IGFBP7: variants seen among roughly 807,000 people sequenced by gnomAD.
The protein encoded by IGFBP7 is insulin like growth factor binding protein 7.
Under a neutral mutation model 29.4 loss-of-function variants are expected in IGFBP7, and 31 were observed. The ratio of observed to expected loss-of-function variants is 1.05; its 90% CI spans 0.79 to 1.42. The LOEUF (loss-of-function observed/expected upper bound fraction) is 1.42, where lower values mean the gene tolerates loss of function less well. IGFBP7 is among the 40% of genes most tolerant of loss of function. The pLI is 0.00. For missense variants in IGFBP7, 393 were observed against 395.5 expected, an observed-to-expected ratio of 0.99 and a Z score of 0.05; for synonymous variants, 172 against 174.9, an observed-to-expected ratio of 0.98 and a Z score of 0.13.
intron 2 of IGFBP7, among the ~76,000 whole-genome samples, chr4:57,035,164 A>C (rs1724052418): frequency 6.6e-6 from 1 of 152,202 alleles, no homozygotes; most frequent in African/African-American, 2.4e-5. Flanking sequence ...CTCAAATCCC[A>C]TAGCTCTTAG....
intron 2 of IGFBP7, among the ~76,000 whole-genome samples, chr4:57,040,314 A>G (rs1203052637): frequency 6.6e-6 from 1 of 152,126 alleles, no homozygotes; most frequent in Non-Finnish European, 1.5e-5. Context: ...CTCCCAGTAA[A>G]ATAATAATAA....
chr4:57,030,839 T>C lies in IGFBP7; in HGVS notation c.*478A>G. Reference sequence around the variant, plus strand: ...ACCAGATCTTTGTCTTTTTCTGGGGTAGAGAAGTGGGGTCACTTCAATACA... The same window carrying C: ...ACCAGATCTTTGTCTTTTTCTGGGGCAGAGAAGTGGGGTCACTTCAATACA... On this transcript the variant is annotated 3_prime_UTR_variant, in exon 5 of 5. Transcript: ENST00000295666. The C allele has an allele frequency of 2.2e-6, 2 of 922,870 alleles. No homozygotes were observed. The highest frequency in any genetic ancestry group is 2.6e-5 in the South Asian group (2 of 76,204). 57.2% of individuals were successfully genotyped at this position (922,870 alleles called of 1,614,324 possible).
intron 1 of IGFBP7, among the ~76,000 whole-genome samples, chr4:57,054,036 C>A (rs925251381): frequency 2.6e-5 from 4 of 151,984 alleles, no homozygotes; most frequent in Non-Finnish European, 5.9e-5. Flanking sequence ...GGGATGAGAT[C>A]TTGTTACATT....
At chr4:57,084,770 C>T (rs575183272) in intron 1 of IGFBP7, among the ~76,000 whole-genome samples, 1 of 138,878 alleles carries the variant, frequency 7.2e-6, no homozygotes, top group South Asian at 2.3e-4. Flanking sequence ...AATCTTTTTA[C>T]TCAGATGTTT....
At position 57,086,207 on chromosome 4, in the gene IGFBP7, T is replaced by G. The variant is rs968054947; in HGVS notation, c.475+23670A>C. ...AACCATCAGATCTCGTGAGACTTAC[T>G]CACTGTCATGAGAACAGCATGGGAA... On this transcript the variant is annotated intron_variant, in intron 1 of 4. Coordinates refer to ENST00000295666, the MANE Select transcript of IGFBP7 (RefSeq NM_001553.3). Among the ~76,000 whole-genome samples, 7 of 152,162 alleles carry G rather than the reference T, an allele frequency of 4.6e-5. No individual in the cohort carries two copies. The East Asian group carries it at 1.3e-3, about 29-fold the overall frequency.
intron 1 of IGFBP7, among the ~76,000 whole-genome samples, chr4:57,069,400 C>T (rs539467468): frequency 3.3e-5 from 5 of 151,980 alleles, no homozygotes; most frequent in Non-Finnish European, 7.4e-5. Flanking sequence ...CCAGCCTGGG[C>T]AACATAGTGA....
chr4:57,075,054 T>G (rs1725188003), intron 1 of IGFBP7, among the ~76,000 whole-genome samples: 2 of 152,228 alleles, frequency 1.3e-5, no homozygotes, highest in Non-Finnish European at 2.9e-5. Flanking sequence ...ATCCTATTAC[T>G]CAGAGCCTTC....
At chr4:57,067,376 G>C (rs1242005899) in intron 1 of IGFBP7, among the ~76,000 whole-genome samples, 1 of 152,178 alleles carries the variant, frequency 6.6e-6, no homozygotes, top group African/African-American at 2.4e-5. Flanking sequence ...TAATAAGTGA[G>C]ATTAACTTGT....
intron 4 of IGFBP7, 158 bp downstream of exon 4, chr4:57,032,268 C>T (rs565625918): frequency 7.0e-7 from 1 of 1,433,218 alleles, no homozygotes; most frequent in East Asian, 2.5e-5. Context: ...CTTTTGGAGT[C>T]TCATGCTGTA....
chr4:57,071,723 A>T (rs1313274969), intron 1 of IGFBP7, among the ~76,000 whole-genome samples: 2 of 152,050 alleles, frequency 1.3e-5, no homozygotes, highest in African/African-American at 4.8e-5. Flanking sequence ...CTAGCAGGGT[A>T]CTCCTAGGCA....
chr4:57,076,659 A>G (rs11573053), intron 1 of IGFBP7, among the ~76,000 whole-genome samples: 30,399 of 152,156 alleles, frequency 0.2, 3,146 homozygotes, highest in Non-Finnish European at 0.22. Flanking sequence ...TTAGAAGGTG[A>G]CGTGGGTGTT....
chr4:57,088,730 A>G (rs1445730879), intron 1 of IGFBP7, among the ~76,000 whole-genome samples: 1 of 152,054 alleles, frequency 6.6e-6, no homozygotes, highest in African/African-American at 2.4e-5. Context: ...AACTGAGGTT[A>G]AGAGGAGCAA....
At chr4:57,041,639 G>A (rs926854043) in intron 1 of IGFBP7, among the ~76,000 whole-genome samples, 3 of 152,048 alleles carry the variant, frequency 2.0e-5, no homozygotes, top group African/African-American at 7.2e-5. Context: ...GGTCTCCAGC[G>A]ATCCTCCCAC....
chr4:57,103,992 T>C (rs1488311017), intron 1 of IGFBP7, among the ~76,000 whole-genome samples: 1 of 152,166 alleles, frequency 6.6e-6, no homozygotes, highest in Non-Finnish European at 1.5e-5. Flanking sequence ...ACCAACATCT[T>C]GCCAATCCTG....
intron 1 of IGFBP7, among the ~76,000 whole-genome samples, chr4:57,048,323 A>G (rs923098789): frequency 6.6e-6 from 1 of 152,196 alleles, no homozygotes; most frequent in Non-Finnish European, 1.5e-5. Context: ...TACTGGGATT[A>G]CAGGAGTGAG....
At chr4:57,086,137 T>A (rs1248776746) in intron 1 of IGFBP7, among the ~76,000 whole-genome samples, 1 of 152,192 alleles carries the variant, frequency 6.6e-6, no homozygotes, top group Non-Finnish European at 1.5e-5. Flanking sequence ...ACATCTTACA[T>A]GGTGTCAGGC....
chr4:57,067,702 G>GA (rs1578629243), intron 1 of IGFBP7, among the ~76,000 whole-genome samples: 2 of 152,128 alleles, frequency 1.3e-5, no homozygotes, highest in East Asian at 3.9e-4. Context: ...AACACATCAA[G>GA]AAAAAACATA....
At chr4:57,109,713 G>A in intron 1 of IGFBP7, 164 bp downstream of exon 1, 2 of 817,308 alleles carry the variant, frequency 2.4e-6, no homozygotes, top group South Asian at 2.0e-5. Context: ...ACCGCTCCTG[G>A]CATTCCGCGG....
At position 57,110,177 on chromosome 4, in the gene IGFBP7, A is replaced by C. The variant is rs1485582916; in HGVS notation, c.175T>G (p.Cys59Gly). 7.1e-7 allele frequency: 1 copy of C among 1,403,798 alleles called. No homozygotes were observed. The highest frequency in any genetic ancestry group is 9.2e-7 in the Non-Finnish European group (1 of 1,088,858). The allele number at this position is 1,403,798 out of a possible 1,614,324, so 87.0% of individuals were successfully genotyped here. Residue 59 changes from cysteine (C) to glycine (G), a missense_variant, in exon 1 of 5, where the codon TGC becomes GGC. By Grantham distance (159) the Cys-to-Gly change is radical. Coordinates refer to ENST00000295666, the MANE Select transcript of IGFBP7 (RefSeq NM_001553.3). ...TCGCCGCGGGCGCACATAGGGCAGC[A>C]GCCGCACGCGTCGCGGGTCTCGCCC... is the stretch of plus-strand genomic sequence containing the variant. ...LLGETRDACG[C>G]CPMCARGEGE...
Sources: gnomAD v4.1 joint callset for allele counts (sites outside exome capture counted in the v4.1 genomes callset) on GRCh38, gnomAD v4.1.1 for gene constraint, MANE v1.5 for transcripts, NCBI Gene and HGNC (gene_info 2026-07-23, HGNC 2026-07-21) for gene names.